Variants in KRTAP10-4 observed in about 807,000 individuals in gnomAD.
KRTAP10-4 encodes keratin associated protein 10-4.
For synonymous variants in KRTAP10-4, 147 were observed against 213.7 expected, an observed-to-expected ratio of 0.69 and a Z score of 2.72; for missense variants, 374 against 507.6, an observed-to-expected ratio of 0.74 and a Z score of 2.53.
In KRTAP10-4 at chr21:44,575,134, G is replaced by T; in HGVS notation, c.*170G>T. ...ACCATTTCCTGGTGTCTGCTGTTGA[G>T]CTGGACAATGGAAGAACTGAAAGTC... On this transcript the variant is annotated 3_prime_UTR_variant, in exon 1 of 1. Coordinates refer to ENST00000400374, the MANE Select transcript of KRTAP10-4 (RefSeq NM_198687.2). 1.0e-6 allele frequency: 1 copy of T among 995,818 alleles called. No individual in the cohort carries two copies. The highest frequency in any genetic ancestry group is 1.5e-6 in the Non-Finnish European group (1 of 680,490). The allele number at this position is 995,818 out of a possible 1,614,324, so 61.7% of individuals were successfully genotyped here. A position where few individuals can be genotyped will look rare whatever the true frequency, so the allele number is the denominator to read the frequency against.
rs1555923062 is a variant in KRTAP10-4, at chr21:44,573,807, C to A, written c.49C>A (p.Pro17Thr). Residue 17 changes from proline to threonine, a missense_variant, in exon 1 of 1, where the codon CCT becomes ACT. Coordinates refer to ENST00000400374, the MANE Select transcript of KRTAP10-4 (RefSeq NM_198687.2). ...DLSYSSRVCL[P>T]GSCDSCSDSW... is the part of the protein sequence containing the mutation. Reference sequence around the variant, plus strand: ...GAGCTACAGCAGCCGCGTCTGCCTTCCTGGTTCCTGTGACTCTTGCTCCGA... The same window carrying A: ...GAGCTACAGCAGCCGCGTCTGCCTTACTGGTTCCTGTGACTCTTGCTCCGA... The A allele has an allele frequency of 5.6e-6, 9 of 1,614,078 alleles. No individual in the cohort carries two copies. Among genetic ancestry groups the A allele is most frequent in the South Asian group, 4.4e-5 (4 of 91,088 alleles).
Position 44,574,768 on chromosome 21 carries a change from C to T in KRTAP10-4, c.1010C>T (p.Ser337Phe). The change falls in exon 1 of 1, where the codon TCT (serine) becomes TTT (phenylalanine). Residue 337 changes from serine (S) to phenylalanine (F), a missense_variant. Coordinates refer to ENST00000400374, the MANE Select transcript of KRTAP10-4 (RefSeq NM_198687.2). ...GTGCCTGTTTGCTCTGGGGCTTCCT[C>T]TTCATGCTGCCAGCAATCTAGCTGC... ...SCVPVCSGASSSCCQQSSCQP... is the reference protein window; with the variant it reads ...SCVPVCSGASFSCCQQSSCQP... 1 of 1,614,008 alleles carries T rather than the reference C, an allele frequency of 6.2e-7. No homozygotes were observed.
chr21:44,575,234 TCCATATCTCCCACC>T lies in KRTAP10-4; in HGVS notation c.*271_*284del. ...AAGTTCCCATGGCAGTGGCCTCCCCTCCATATCTCCCACCTCTCATGAGGGTCAGTTCAGCCTTG... is the reference window on the plus strand; with the variant it reads ...AAGTTCCCATGGCAGTGGCCTCCCCTTCTCATGAGGGTCAGTTCAGCCTTG... On this transcript the variant is annotated 3_prime_UTR_variant, in exon 1 of 1. Transcript: ENST00000400374. The T allele has an allele frequency of 1.7e-6, 1 of 594,856 alleles. No individual in the cohort carries two copies. The highest frequency in any genetic ancestry group is 3.0e-6 in the Non-Finnish European group (1 of 328,196). 36.8% of individuals were successfully genotyped at this position (594,856 alleles called of 1,614,324 possible). A position where few individuals can be genotyped will look rare whatever the true frequency, so the allele number is the denominator to read the frequency against.
chr21:44,574,360 T>G lies in KRTAP10-4; in HGVS notation c.602T>G (p.Ile201Ser), dbSNP rs202043408. 3 of 1,507,760 alleles carry G rather than the reference T, an allele frequency of 2.0e-6. No individual in the cohort carries two copies. The African/African-American group carries it at 5.0e-5, about 25-fold the overall frequency. 93.4% of individuals were successfully genotyped at this position (1,507,760 alleles called of 1,614,324 possible). A position where few individuals can be genotyped will look rare whatever the true frequency, so the allele number is the denominator to read the frequency against. ...CCCAGCCCCTGCCAATCAGGCTGCA[T>G]CAGCTCCTGCACGCCCTCGTGCTGC... ...CEPSPCQSGC[I>S]SSCTPSCCQQ... Residue 201 changes from isoleucine (I) to serine (S), a missense_variant, in exon 1 of 1, where the codon ATC (isoleucine) becomes AGC (serine). By Grantham distance (142) the Ile-to-Ser change is moderately radical. Coordinates refer to ENST00000400374, the MANE Select transcript of KRTAP10-4 (RefSeq NM_198687.2).
rs1569194408 is a variant in KRTAP10-4 at position 44,573,977 on chromosome 21, G to A, written c.219G>A (p.Glu73=). The A allele has an allele frequency of 1.9e-6, 3 of 1,612,166 alleles. No homozygotes were observed. The highest frequency in any genetic ancestry group is 2.2e-5 in the South Asian group (2 of 90,976). ...GCCCCTGCTGCCCAGTGACCTGTGA[G>A]CCCAGCCCCTGCCAATCAGGCTGCA... is the stretch of plus-strand genomic sequence containing the variant. ...VSSPCCPVTC[E]PSPCQSGCTS... Residue 73 remains glutamate (E), a synonymous_variant, in exon 1 of 1, where the codon GAG becomes GAA. Transcript: ENST00000400374.
Position 44,574,456 on chromosome 21 carries a change from G to A in KRTAP10-4, c.698G>A (p.Cys233Tyr), listed in dbSNP as rs782672396. 3 of 1,601,082 alleles carry A rather than the reference G, an allele frequency of 1.9e-6. No homozygotes were observed. The South Asian group carries it at 3.3e-5, about 18-fold the overall frequency. The change falls in exon 1 of 1, where the codon TGC becomes TAC. Residue 233 changes from cysteine to tyrosine, a missense_variant. Transcript: ENST00000400374. ...SCQQACCVPVCCKTVCCKPVC... is the reference protein window; with the variant it reads ...SCQQACCVPVYCKTVCCKPVC... ...CAGCAGGCCTGCTGCGTGCCCGTCT[G>A]CTGCAAGACTGTCTGCTGCAAGCCT...
rs1978363053 is a variant in KRTAP10-4, at chr21:44,575,337, G to A, written c.*373G>A. On this transcript the variant is annotated 3_prime_UTR_variant, in exon 1 of 1. Transcript: ENST00000400374. ...AGCCTTCTTTGGACGCCCTCAAGCT[G>A]ACCAATAAAGGCCCTGAGACTGCAA... 1 of 353,822 alleles carries A rather than the reference G, an allele frequency of 2.8e-6. No individual in the cohort carries two copies. The highest frequency in any genetic ancestry group is 4.4e-5 in the Admixed American group (1 of 22,980). 21.9% of individuals were successfully genotyped at this position (353,822 alleles called of 1,614,324 possible).
At position 44,574,102 on chromosome 21, in the gene KRTAP10-4, G is replaced by C; in HGVS notation, c.344G>C (p.Cys115Ser). The C allele has an allele frequency of 1.3e-6, 2 of 1,596,906 alleles. No homozygotes were observed. Among genetic ancestry groups the C allele is most frequent in the Non-Finnish European group, 1.7e-6 (2 of 1,168,624 alleles). ...CQQACCVPVC[C>S]KTVCCKPVCC... ...CAGGCCTGCTGCGTGCCCGTCTGCT[G>C]CAAGACTGTCTGCTGCAAGCCTGTG... Residue 115 changes from cysteine to serine, a missense_variant, in exon 1 of 1, where the codon TGC becomes TCC. Transcript: ENST00000400374.
rs200257275 is a variant in KRTAP10-4, at chr21:44,574,060, C to A, written c.302C>A (p.Ala101Asp). 1,369 of 1,612,808 alleles carry A rather than the reference C, an allele frequency of 8.5e-4. No individual in the cohort carries two copies. The Middle Eastern group carries it at 0.01, about 12-fold the overall frequency. ...QQSSCQLACC[A>D]SSPCQQACCV... The stretch of plus-strand genomic sequence containing the variant: ...TCTAGCTGCCAGCTGGCTTGCTGTG[C>A]CTCCTCCCCCTGCCAGCAGGCCTGC... Residue 101 changes from alanine to aspartate, a missense_variant, in exon 1 of 1, where the codon GCC (alanine) becomes GAC (aspartate). By Grantham distance (126) the Ala-to-Asp change is moderately radical (BLOSUM62 -2). Coordinates refer to ENST00000400374, the MANE Select transcript of KRTAP10-4 (RefSeq NM_198687.2).
Position 44,574,838 on chromosome 21 carries a change from C to T in KRTAP10-4, c.1080C>T (p.Ser360=), listed in dbSNP as rs782527747. The change falls in exon 1 of 1, where the codon TCC becomes TCT. Residue 360 remains serine (S), a synonymous_variant. Coordinates refer to ENST00000400374, the MANE Select transcript of KRTAP10-4 (RefSeq NM_198687.2). ...CTTSCCRPSS[S]VSLLCRPVCR... Reference sequence around the variant, plus strand: ...CCTCCTGCTGCAGACCCTCCTCCTCCGTGTCCCTCCTCTGCCGCCCCGTGT... The same window carrying T: ...CCTCCTGCTGCAGACCCTCCTCCTCTGTGTCCCTCCTCTGCCGCCCCGTGT... 1.4e-5 allele frequency: 23 copies of T among 1,613,978 alleles called. No homozygotes were observed. The highest frequency in any genetic ancestry group is 4.5e-5 in the East Asian group (2 of 44,874).
Position 44,574,872 on chromosome 21 carries a change from G to A in KRTAP10-4, c.1114G>A (p.Ala372Thr), listed in dbSNP as rs374023384. 9.1e-5 allele frequency: 146 copies of A among 1,612,106 alleles called. No individual in the cohort carries two copies. Among genetic ancestry groups the A allele is most frequent in the African/African-American group, 5.3e-4 (39 of 73,918 alleles). Residue 372 changes from alanine (A) to threonine (T), a missense_variant, in exon 1 of 1, where the codon GCC (alanine) becomes ACC (threonine). Ala to Thr is a moderately conservative substitution (Grantham distance 58). Transcript: ENST00000400374. ...SLLCRPVCRPACCVPVPSCCA... is the reference protein window; with the variant it reads ...SLLCRPVCRPTCCVPVPSCCA... Reference sequence around the variant, plus strand: ...CCTCTGCCGCCCCGTGTGCAGGCCCGCCTGCTGCGTGCCCGTCCCTTCCTG... The same window carrying A: ...CCTCTGCCGCCCCGTGTGCAGGCCCACCTGCTGCGTGCCCGTCCCTTCCTG...
rs1341487002 is a variant in KRTAP10-4 at position 44,574,997 on chromosome 21, C to A, written c.*33C>A. 4 of 1,608,438 alleles carry A rather than the reference C, an allele frequency of 2.5e-6. No homozygotes were observed. Among genetic ancestry groups the A allele is most frequent in the Non-Finnish European group, 2.5e-6 (3 of 1,177,154 alleles). On this transcript the variant is annotated 3_prime_UTR_variant, in exon 1 of 1. Transcript: ENST00000400374. The stretch of plus-strand genomic sequence containing the variant: ...TGTGCTCCCGCCCAGCCTGCTGAGG[C>A]CTCCGCTCAGGTCAGAAGCCCAGCT...
chr21:44,575,045 G>A lies in KRTAP10-4; in HGVS notation c.*81G>A, dbSNP rs967768864. 22 of 1,571,534 alleles carry A rather than the reference G, an allele frequency of 1.4e-5. No homozygotes were observed. In the African/African-American group the frequency reaches 2.7e-4, roughly 19 times the overall value. On this transcript the variant is annotated 3_prime_UTR_variant, in exon 1 of 1. Transcript: ENST00000400374. ...GCTGCTGATGGACACGCCCCCCAGTGCCAGCCAGGCTCAGGTCCCACCTGA... is the reference window on the plus strand; with the variant it reads ...GCTGCTGATGGACACGCCCCCCAGTACCAGCCAGGCTCAGGTCCCACCTGA...
In KRTAP10-4 at chr21:44,574,935, C is replaced by T. The variant is rs200987020; in HGVS notation, c.1177C>T (p.Arg393Cys). The change falls in exon 1 of 1, where the codon CGC becomes TGC. Residue 393 changes from arginine (R) to cysteine (C), a missense_variant. Physicochemically the swap from Arg to Cys is radical, Grantham distance 180 (BLOSUM62 -3). Coordinates refer to ENST00000400374, the MANE Select transcript of KRTAP10-4 (RefSeq NM_198687.2). ...CTCCTCCTGCCAACCCAGCTGCTGC[C>T]GCCCAGCCTCCTGCGTGTCCCTCCT... ...PTSSCQPSCCRPASCVSLL is the reference protein window; with the variant it reads ...PTSSCQPSCCCPASCVSLL 1.7e-5 allele frequency: 28 copies of T among 1,605,118 alleles called. 1 individual carries two copies. Among genetic ancestry groups the T allele is most frequent in the South Asian group, 5.5e-5 (5 of 90,102 alleles).
Position 44,575,049 on chromosome 21 carries a change from G to A in KRTAP10-4, c.*85G>A, listed in dbSNP as rs192615079. On this transcript the variant is annotated 3_prime_UTR_variant, in exon 1 of 1. Coordinates refer to ENST00000400374, the MANE Select transcript of KRTAP10-4 (RefSeq NM_198687.2). The stretch of plus-strand genomic sequence containing the variant: ...CTGATGGACACGCCCCCCAGTGCCA[G>A]CCAGGCTCAGGTCCCACCTGAAAGC... 688 of 1,567,236 alleles carry A rather than the reference G, an allele frequency of 4.4e-4. 6 individuals carry two copies. In the East Asian group the frequency reaches 9.3e-3, roughly 21 times the overall value.
chr21:44,575,052 A>G lies in KRTAP10-4; in HGVS notation c.*88A>G. On this transcript the variant is annotated 3_prime_UTR_variant, in exon 1 of 1. Coordinates refer to ENST00000400374, the MANE Select transcript of KRTAP10-4 (RefSeq NM_198687.2). ...ATGGACACGCCCCCCAGTGCCAGCC[A>G]GGCTCAGGTCCCACCTGAAAGCTGA... is the stretch of plus-strand genomic sequence containing the variant. 1 of 1,563,462 alleles carries G rather than the reference A, an allele frequency of 6.4e-7. No homozygotes were observed. Among genetic ancestry groups the G allele is most frequent in the South Asian group, 1.2e-5 (1 of 82,758 alleles).
chr21:44,574,918 G>T lies in KRTAP10-4; in HGVS notation c.1160G>T (p.Cys387Phe). Reference protein sequence around the residue: ...VPSCCAPTSSCQPSCCRPASC... With the variant: ...VPSCCAPTSSFQPSCCRPASC... The stretch of plus-strand genomic sequence containing the variant: ...TCCTGCTGTGCTCCCACCTCCTCCT[G>T]CCAACCCAGCTGCTGCCGCCCAGCC... The change falls in exon 1 of 1, where the codon TGC becomes TTC. Residue 387 changes from cysteine to phenylalanine, a missense_variant. Coordinates refer to ENST00000400374, the MANE Select transcript of KRTAP10-4 (RefSeq NM_198687.2). 4 of 1,612,310 alleles carry T rather than the reference G, an allele frequency of 2.5e-6. No homozygotes were observed. Among genetic ancestry groups the T allele is most frequent in the Non-Finnish European group, 3.4e-6 (4 of 1,179,546 alleles).
chr21:44,575,182 T>G lies in KRTAP10-4; in HGVS notation c.*218T>G. 1 of 771,084 alleles carries G rather than the reference T, an allele frequency of 1.3e-6. No individual in the cohort carries two copies. Among genetic ancestry groups the G allele is most frequent in the Non-Finnish European group, 2.1e-6 (1 of 482,606 alleles). The allele number at this position is 771,084 out of a possible 1,614,324, so 47.8% of individuals were successfully genotyped here. A position where few individuals can be genotyped will look rare whatever the true frequency, so the allele number is the denominator to read the frequency against. ...GTCTATACTCAATGCTGCAGCCCTC[T>G]TGCGGGGGGAGGGGGGCGCTTCTAG... On this transcript the variant is annotated 3_prime_UTR_variant, in exon 1 of 1. Coordinates refer to ENST00000400374, the MANE Select transcript of KRTAP10-4 (RefSeq NM_198687.2).
Position 44,574,628 on chromosome 21 carries a change from C to T in KRTAP10-4, c.870C>T (p.Cys290=). The T allele has an allele frequency of 1.5e-6, 2 of 1,297,702 alleles. No individual in the cohort carries two copies. 80.4% of individuals were successfully genotyped at this position (1,297,702 alleles called of 1,614,324 possible). Residue 290 remains cysteine, a synonymous_variant, in exon 1 of 1, where the codon TGC becomes TGT. Coordinates refer to ENST00000400374, the MANE Select transcript of KRTAP10-4 (RefSeq NM_198687.2). Reference sequence around the variant, plus strand: ...AGCCTGTCTGCTCTGTGCCCATCTGCTCTGGGGCTTCCTCTCTGTGCTGCC... The same window carrying T: ...AGCCTGTCTGCTCTGTGCCCATCTGTTCTGGGGCTTCCTCTCTGTGCTGCC... ...CCKPVCSVPI[C]SGASSLCCQQ... is the part of the protein sequence containing the mutation.
Sources: gnomAD v4.1 joint callset for allele counts on GRCh38, gnomAD v4.1.1 for gene constraint, MANE v1.5 for transcripts, NCBI Gene and HGNC (gene_info 2026-07-23, HGNC 2026-07-21) for gene names.